The following DPP10 variants were observed in gnomAD, a reference collection of about 807,000 sequenced individuals.
DPP10 encodes inactive dipeptidyl peptidase 10.
DPP10 carries 33 observed loss-of-function variants against 120.9 expected under a neutral mutation model. The observed-to-expected ratio is 0.27, with a 90% CI of 0.21 to 0.37. The LOEUF is 0.37. Ranked by LOEUF, DPP10 falls within the 10% of genes least tolerant of loss-of-function variation. The pLI, the probability that DPP10 is intolerant of heterozygous loss-of-function variation, is 1.00. For synonymous variants in DPP10, 337 were observed against 326.1 expected (o/e 1.03, Z -0.36); for missense variants, 816 against 942.8 (o/e 0.87, Z 1.76).
chr2:114,877,053 C>T (rs948257228), intron 1 of DPP10, among the ~76,000 whole-genome samples: 2 of 151,854 alleles, frequency 1.3e-5, no homozygotes, highest in Non-Finnish European at 2.9e-5. Context: ...ACAATGCCAG[C>T]TTTAAATGCA....
At chr2:114,832,539 AAAT>A (rs1228978385) in intron 1 of DPP10, among the ~76,000 whole-genome samples, 1 of 152,214 alleles carries the variant, frequency 6.6e-6, no homozygotes, top group African/African-American at 2.4e-5. Context: ...GTCTCAAAAT[AAAT>A]AAATAAATAA....
intron 5 of DPP10, among the ~76,000 whole-genome samples, chr2:115,581,356 C>G (rs2081992553): frequency 6.6e-6 from 1 of 152,070 alleles, no homozygotes; most frequent in South Asian, 2.1e-4. Flanking sequence ...CATAATGGGA[C>G]AGTAAATCCA....
At chr2:115,175,532 A>G (rs1297304527) in intron 1 of DPP10, among the ~76,000 whole-genome samples, 2 of 152,222 alleles carry the variant, frequency 1.3e-5, no homozygotes, top group Non-Finnish European at 2.9e-5. Context: ...AAACAAAAAA[A>G]TAAGTTTACA....
At chr2:115,091,625 C>T (rs772425566) in intron 1 of DPP10, among the ~76,000 whole-genome samples, 2 of 152,088 alleles carry the variant, frequency 1.3e-5, no homozygotes, top group Non-Finnish European at 2.9e-5. Flanking sequence ...TTTCATTGGC[C>T]GTCCGTCCTA....
chr2:115,410,430 A>G (rs915146531), intron 3 of DPP10, among the ~76,000 whole-genome samples: 13 of 152,160 alleles, frequency 8.5e-5, no homozygotes, highest in African/African-American at 3.1e-4. Flanking sequence ...CTGAACGATA[A>G]GAACACATGG....
At chr2:114,465,012 T>C (rs537209107) in intron 1 of DPP10, among the ~76,000 whole-genome samples, 1 of 152,284 alleles carries the variant, frequency 6.6e-6, no homozygotes, top group African/African-American at 2.4e-5. Flanking sequence ...CACACAGAAG[T>C]CTCTAACCAT....
At chr2:114,759,373 C>A (rs1382073026) in intron 1 of DPP10, among the ~76,000 whole-genome samples, 1 of 152,158 alleles carries the variant, frequency 6.6e-6, no homozygotes, top group African/African-American at 2.4e-5. Flanking sequence ...AAAGCAGGAA[C>A]TGGTCTATAA....
At chr2:115,293,910 C>T (rs2060769572) in intron 1 of DPP10, among the ~76,000 whole-genome samples, 1 of 152,040 alleles carries the variant, frequency 6.6e-6, no homozygotes, top group East Asian at 1.9e-4. Context: ...TACTCATTGT[C>T]TTCCCTGACA....
chr2:115,103,858 T>G (rs2048818029), intron 1 of DPP10, among the ~76,000 whole-genome samples: 2 of 152,188 alleles, frequency 1.3e-5, no homozygotes, highest in Admixed American at 6.5e-5. Context: ...GGTTGATAAT[T>G]ACTTATCCAA....
At chr2:115,693,316 A>C (rs2091418467) in intron 7 of DPP10, among the ~76,000 whole-genome samples, 1 of 152,144 alleles carries the variant, frequency 6.6e-6, no homozygotes, top group Admixed American at 6.6e-5. Flanking sequence ...ATTCATGGAC[A>C]ATGGTGAGTG....
chr2:115,766,310 G>GTGTGTGTATA (rs1371625141), intron 12 of DPP10, among the ~76,000 whole-genome samples: 1 of 81,738 alleles, frequency 1.2e-5, no homozygotes, highest in Non-Finnish European at 2.5e-5. Flanking sequence ...GTGTGTGTGT[G>GTGTGTGTATA]TATATATATA....
rs565034057 is a variant in DPP10 at position 114,906,297 on chromosome 2, T to A, written c.61-402942T>A. On this transcript the variant is annotated intron_variant, in intron 1 of 25. Coordinates refer to ENST00000410059, the MANE Select transcript of DPP10 (RefSeq NM_020868.6). Reference sequence around the variant, plus strand: ...TACTAGGGAGGCTGAGGCATGAGAATCGCTCAAACCTGGGAGGTGGAGGTT... The same window carrying A: ...TACTAGGGAGGCTGAGGCATGAGAAACGCTCAAACCTGGGAGGTGGAGGTT... Among the ~76,000 whole-genome samples the A allele has an allele frequency of 2.6e-5, 4 of 151,664 alleles. No individual in the cohort carries two copies. The East Asian group carries it at 5.8e-4, about 22-fold the overall frequency.
At chr2:115,505,061 T>A (rs2076870835) in intron 4 of DPP10, among the ~76,000 whole-genome samples, 1 of 152,084 alleles carries the variant, frequency 6.6e-6, no homozygotes, top group Non-Finnish European at 1.5e-5. Context: ...AGAAATTAGA[T>A]TCTACTAACT....
At chr2:115,190,348 T>TC (rs1378597640) in intron 1 of DPP10, among the ~76,000 whole-genome samples, 1 of 151,900 alleles carries the variant, frequency 6.6e-6, no homozygotes, top group African/African-American at 2.4e-5. Context: ...CTACAATTTT[T>TC]TTTTAATCAT....
At chr2:115,349,368 G>T (rs962155102) in intron 3 of DPP10, among the ~76,000 whole-genome samples, 3 of 152,106 alleles carry the variant, frequency 2.0e-5, no homozygotes, top group Non-Finnish European at 2.9e-5. Context: ...TCTTCATTCA[G>T]AGTGAGGACA....
chr2:115,505,454 T>C (rs942833161), intron 4 of DPP10, among the ~76,000 whole-genome samples: 2 of 152,120 alleles, frequency 1.3e-5, no homozygotes, highest in Non-Finnish European at 2.9e-5. Flanking sequence ...TTAGTCTCTT[T>C]GGAGCTGGAG....
At chr2:115,679,199 G>GGC (rs2090484729) in intron 5 of DPP10, among the ~76,000 whole-genome samples, 1 of 152,012 alleles carries the variant, frequency 6.6e-6, no homozygotes, top group Admixed American at 6.5e-5. Context: ...AGATGTGGGG[G>GGC]GGGTGCATGG....
At chr2:114,585,103 T>C (rs1042564211) in intron 1 of DPP10, among the ~76,000 whole-genome samples, 2 of 152,190 alleles carry the variant, frequency 1.3e-5, no homozygotes, top group Non-Finnish European at 2.9e-5. Flanking sequence ...ATTTTATCAC[T>C]GCATAGCTGG....
chr2:114,600,026 G>C (rs151089804), intron 1 of DPP10, among the ~76,000 whole-genome samples: 1 of 151,120 alleles, frequency 6.6e-6, no homozygotes, highest in Non-Finnish European at 1.5e-5. Flanking sequence ...TGTGTATTCT[G>C]TTTGGGATTC....
Sources: gnomAD v4.1 joint callset for allele counts (sites outside exome capture counted in the v4.1 genomes callset) on GRCh38, gnomAD v4.1.1 for gene constraint, MANE v1.5 for transcripts, NCBI Gene and HGNC (gene_info 2026-07-23, HGNC 2026-07-21) for gene names.